Variants in PUDP observed in about 807,000 individuals in gnomAD.
PUDP encodes pseudouridine-5'-phosphatase.
Under a neutral mutation model 9.4 loss-of-function variants are expected in PUDP, and 8 were observed. The observed-to-expected ratio is 0.85, with a 90% CI of 0.50 to 1.53. The LOEUF (loss-of-function observed/expected upper bound fraction) is 1.53, where lower values mean the gene tolerates loss of function less well. Among genes scored for constraint, PUDP ranks in the 40% most tolerant of loss-of-function variants. PUDP has a pLI of 0.00. For synonymous variants in PUDP, 99 were observed against 80.7 expected, an observed-to-expected ratio of 1.23 and a Z score of -1.22; for missense variants, 188 against 189.7, an observed-to-expected ratio of 0.99 and a Z score of 0.05.
At chrX:6,946,695 G>A (rs1213855861) in intron 3 of PUDP, among the ~76,000 whole-genome samples, 1 of 104,701 alleles carries the variant, frequency 9.6e-6, no homozygotes, top group Non-Finnish European at 2.0e-5. Flanking sequence ...ACAGAAAGAC[G>A]TGAATCATAT....
intron 3 of PUDP, among the ~76,000 whole-genome samples, chrX:6,784,582 T>G (rs956765594): frequency 1.4e-4 from 16 of 111,924 alleles, no homozygotes; most frequent in African/African-American, 4.5e-4. Context: ...ATCTTCGTTG[T>G]CCTATAAATT....
rs200121266 is a variant in PUDP, at chrX:6,947,775, A to AAAATAAAT, written c.*247+29350_*247+29357dup. 6.8e-3 allele frequency among the ~76,000 whole-genome samples: 663 copies of AAAATAAAT among 96,897 alleles called. 7 individuals carry two copies. Among genetic ancestry groups the AAAATAAAT allele is most frequent in the African/African-American group, 0.023 (607 of 26,519 alleles). The allele number at this position is 96,897 out of a possible 115,157, so 84.1% of individuals were successfully genotyped here. ...CCAGACGTAGTGAGACCCTGTCTCA[A>AAAATAAAT]AAATAAATAAATAAATAAATAAATA... On this transcript the variant is annotated intron_variant and NMD_transcript_variant, in intron 3 of 3. Coordinates refer to the PUDP transcript ENST00000655425.
intron 3 of PUDP, among the ~76,000 whole-genome samples, chrX:6,797,983 T>C (rs1925871321): frequency 8.9e-6 from 1 of 112,179 alleles, no homozygotes; most frequent in African/African-American, 3.2e-5. Flanking sequence ...CTTTAATAAC[T>C]AAACTACTTT....
At chrX:6,822,489 C>T (rs1011829204) in intron 3 of PUDP, among the ~76,000 whole-genome samples, 3 of 111,915 alleles carry the variant, frequency 2.7e-5, no homozygotes, top group Non-Finnish European at 3.8e-5. Flanking sequence ...TGCAGTGGCG[C>T]GATTTCGGCT....
chrX:7,084,100 G>C (rs1312198503), intron 2 of PUDP, among the ~76,000 whole-genome samples: 4 of 99,735 alleles, frequency 4.0e-5, no homozygotes, highest in African/African-American at 1.0e-4. Context: ...AATCTGAGCT[G>C]TTACCTGCAT....
chrX:6,971,675 C>T lies in PUDP; in HGVS notation c.*247+5458G>A, dbSNP rs1355583727. Among the ~76,000 whole-genome samples the T allele has an allele frequency of 4.5e-5, 5 of 110,208 alleles. No homozygotes were observed. In the East Asian group the frequency reaches 8.6e-4, roughly 19 times the overall value. ...TCCTGACTTCGTGATCTGCCCGCCT[C>T]GGCCTCCCAAAGTGCTGGGATTACA... On this transcript the variant is annotated intron_variant and NMD_transcript_variant, in intron 3 of 3. Coordinates refer to the PUDP transcript ENST00000655425.
intron 1 of PUDP, among the ~76,000 whole-genome samples, chrX:6,714,993 A>ATATGTG (rs1555907281): frequency 3.8e-5 from 4 of 104,920 alleles, no homozygotes; most frequent in African/African-American, 1.4e-4. Flanking sequence ...ATATATATAT[A>ATATGTG]TGTGTGTGTG....
At chrX:6,988,146 A>T (rs995510254) in intron 1 of PUDP, among the ~76,000 whole-genome samples, 4 of 112,133 alleles carry the variant, frequency 3.6e-5, no homozygotes, top group Non-Finnish European at 7.5e-5. Flanking sequence ...TGCCATCTGC[A>T]GTGGAACCAC....
rs1928559141 is a variant in PUDP, at chrX:6,951,488, C to T, written c.*247+25645G>A. ...GACTCCAGCACCATATTTTGCTCTTCATGAAAATATCTACCAAAGGAATGG... is the reference window on the plus strand; with the variant it reads ...GACTCCAGCACCATATTTTGCTCTTTATGAAAATATCTACCAAAGGAATGG... On this transcript the variant is annotated intron_variant and NMD_transcript_variant, in intron 3 of 3. Coordinates refer to the PUDP transcript ENST00000655425. Among the ~76,000 whole-genome samples, 5 of 112,003 alleles carry T rather than the reference C, an allele frequency of 4.5e-5. No individual in the cohort carries two copies. The South Asian group carries it at 1.9e-3, about 42-fold the overall frequency.
At chrX:6,782,226 T>C (rs925426489) in intron 3 of PUDP, among the ~76,000 whole-genome samples, 1 of 110,862 alleles carries the variant, frequency 9.0e-6, no homozygotes, top group Admixed American at 9.6e-5. Flanking sequence ...CCTTTCTAAA[T>C]ACAAACCCCG....
chrX:6,831,988 C>T (rs1926510935), intron 3 of PUDP, among the ~76,000 whole-genome samples: 1 of 111,717 alleles, frequency 9.0e-6, no homozygotes. Flanking sequence ...AAAGGTTAAA[C>T]TCCCACCTAA....
At chrX:6,816,193 G>A (rs1019790021) in intron 3 of PUDP, among the ~76,000 whole-genome samples, 8 of 105,868 alleles carry the variant, frequency 7.6e-5, no homozygotes, top group Non-Finnish European at 1.5e-4. Context: ...CTTACATTTA[G>A]AATTAGCTAT....
chrX:6,951,642 A>T (rs1433215780), intron 3 of PUDP, among the ~76,000 whole-genome samples: 1 of 111,876 alleles, frequency 8.9e-6, no homozygotes, highest in Non-Finnish European at 1.9e-5. Flanking sequence ...CCAGGCATAA[A>T]TGCAATGGTG....
intron 3 of PUDP, among the ~76,000 whole-genome samples, chrX:6,970,959 G>A (rs1202162901): frequency 9.0e-6 from 1 of 111,027 alleles, no homozygotes; most frequent in Admixed American, 9.6e-5. Context: ...GCTGAGGTAG[G>A]AGAATCGCTT....
chrX:6,912,804 A>C (rs1371775975), intron 3 of PUDP, among the ~76,000 whole-genome samples: 3 of 112,483 alleles, frequency 2.7e-5, no homozygotes, highest in Non-Finnish European at 5.6e-5. Context: ...ATAAACCAAA[A>C]GAAAACAAAC....
At chrX:6,991,687 A>AAT (rs1555922219) in intron 1 of PUDP, among the ~76,000 whole-genome samples, 18 of 109,026 alleles carry the variant, frequency 1.7e-4, no homozygotes, top group South Asian at 7.7e-4. Context: ...AAAAAAAAAA[A>AAT]AAATAAAATA....
intron 3 of PUDP, among the ~76,000 whole-genome samples, chrX:6,906,773 C>T (rs938734643): frequency 5.4e-5 from 6 of 111,771 alleles, no homozygotes; most frequent in Non-Finnish European, 1.9e-5. Context: ...GAGAGAACCA[C>T]ATGCCTAGCA....
At chrX:6,785,145 A>T (rs1325684396) in intron 3 of PUDP, among the ~76,000 whole-genome samples, 1 of 112,444 alleles carries the variant, frequency 8.9e-6, no homozygotes, top group Non-Finnish European at 1.9e-5. Flanking sequence ...CATCCTTTGA[A>T]CACATCAATG....
upstream of PUDP, among the ~76,000 whole-genome samples, chrX:6,721,950 A>G (rs1456651440): frequency 1.8e-5 from 2 of 111,362 alleles, no homozygotes. Context: ...CACTGGATAG[A>G]CTACACTTAG....
Sources: allele counts gnomAD v4.1 joint callset (sites outside exome capture counted in the v4.1 genomes callset), GRCh38; gene constraint gnomAD v4.1.1; transcripts MANE v1.5; gene names NCBI Gene and HGNC (gene_info 2026-07-23, HGNC 2026-07-21).